Variants in TTF2 observed in about 807,000 individuals in gnomAD.
TTF2 encodes RNA polymerase II termination factor.
A neutral mutation model predicts 142.4 loss-of-function variants in TTF2; 108 were observed. That is an observed-to-expected ratio of 0.76 (90% CI 0.65 to 0.89). TTF2 has a LOEUF of 0.89. Among genes scored for constraint, TTF2 ranks in the 40% least tolerant of loss-of-function variants. The pLI is 0.00. For synonymous variants in TTF2, 483 were observed against 506.2 expected (o/e 0.95, Z 0.61); for missense variants, 1,327 against 1,379.8 (o/e 0.96, Z 0.61).
rs1486043329 is a variant in TTF2 at position 117,070,023 on chromosome 1, A to G, written c.219-3638A>G. On this transcript the variant is annotated intron_variant, in intron 3 of 22. Coordinates refer to ENST00000369466, the MANE Select transcript of TTF2 (RefSeq NM_003594.4). The surrounding 1 kb of genome is among the most constrained non-coding windows in gnomAD (Gnocchi z 4.2). The stretch of plus-strand genomic sequence containing the variant: ...ACTGCATTCTTTGTTGATTTACAAT[A>G]TAATAAAACGTAACAAACAAACTTA... 2.0e-5 allele frequency among the ~76,000 whole-genome samples: 3 copies of G among 152,254 alleles called. No individual in the cohort carries two copies. The highest frequency in any genetic ancestry group is 7.2e-5 in the African/African-American group (3 of 41,466).
chr1:117,089,223 A>G (rs1028451835), intron 13 of TTF2, among the ~76,000 whole-genome samples: 6 of 149,244 alleles, frequency 4.0e-5, no homozygotes, highest in Middle Eastern at 3.5e-3. Flanking sequence ...AGGACTTTAT[A>G]TATGCAAAAT....
Position 117,090,104 on chromosome 1 carries a change from G to A in TTF2, c.2392G>A (p.Val798Ile). Reference protein sequence around the residue: ...FDEFNLWRSQVDNGSKKGGER... With the variant: ...FDEFNLWRSQIDNGSKKGGER... ...TGAGTTCAATCTGTGGAGGAGTCAG[G>A]TTGACAATGGCTCAAAGAAAGGAGG... Residue 798 changes from valine to isoleucine, a missense_variant, in exon 14 of 23, where the codon GTT becomes ATT. Coordinates refer to ENST00000369466, the MANE Select transcript of TTF2 (RefSeq NM_003594.4). The surrounding 1 kb of genome is among the most constrained non-coding windows in gnomAD (Gnocchi z 4.8). The A allele has an allele frequency of 6.2e-7, 1 of 1,614,148 alleles. No homozygotes were observed. Among genetic ancestry groups the A allele is most frequent in the Non-Finnish European group, 8.5e-7 (1 of 1,179,990 alleles).
Position 117,093,758 on chromosome 1 carries a change from G to C in TTF2, c.2976+857G>C, listed in dbSNP as rs896700396. The stretch of plus-strand genomic sequence containing the variant: ...TAGTGCCTTCAGAGTGAGCTATTGG[G>C]CTAAAATTTAAATTCCTAATCATTT... On this transcript the variant is annotated intron_variant, in intron 18 of 22. Coordinates refer to ENST00000369466, the MANE Select transcript of TTF2 (RefSeq NM_003594.4). The surrounding 1 kb of genome is among the most constrained non-coding windows in gnomAD (Gnocchi z 4.5). 1.3e-5 allele frequency among the ~76,000 whole-genome samples: 2 copies of C among 152,126 alleles called. No individual in the cohort carries two copies. The highest frequency in any genetic ancestry group is 4.8e-5 in the African/African-American group (2 of 41,424).
In TTF2 at chr1:117,101,512, T is replaced by G; in HGVS notation, c.3477T>G (p.Leu1159=). Residue 1159 remains leucine, a synonymous_variant, in exon 23 of 23, where the codon CTT becomes CTG. Transcript: ENST00000369466. The surrounding 1 kb of genome is among the most constrained non-coding windows in gnomAD (Gnocchi z 5.9). Reference sequence around the variant, plus strand: ...TCACCTTGGCTGACCTCAGAGTCCTTTTTGGCATCTAACCTCCTGTGGATA... The same window carrying G: ...TCACCTTGGCTGACCTCAGAGTCCTGTTTGGCATCTAACCTCCTGTGGATA... The part of the protein sequence containing the change: ...TKLTLADLRV[L]FGI 6.3e-7 allele frequency: 1 copy of G among 1,590,810 alleles called. No individual in the cohort carries two copies. The highest frequency in any genetic ancestry group is 8.5e-7 in the Non-Finnish European group (1 of 1,174,134).
chr1:117,090,335 G>T lies in TTF2; in HGVS notation c.2496+127G>T. The T allele has an allele frequency of 2.9e-6, 4 of 1,368,310 alleles. No individual in the cohort carries two copies. Among genetic ancestry groups the T allele is most frequent in the Non-Finnish European group, 4.0e-6 (4 of 999,364 alleles). The allele number at this position is 1,368,310 out of a possible 1,614,324, so 84.8% of individuals were successfully genotyped here. A position where few individuals can be genotyped will look rare whatever the true frequency, so the allele number is the denominator to read the frequency against. On this transcript the variant is annotated intron_variant, in intron 14 of 22. Transcript: ENST00000369466. The surrounding 1 kb of genome is among the most constrained non-coding windows in gnomAD (Gnocchi z 4.8). The stretch of plus-strand genomic sequence containing the variant: ...GAGTTTCCCATCCTCCTGTGAGGAG[G>T]CCCCAGGGTTGCAGTTCCATGCCTA...
chr1:117,086,398 CTTTG>C lies in TTF2; in HGVS notation c.2055-16_2055-13del. Reference sequence around the variant, plus strand: ...CTATAGTGGGACCATTTATTGATTTCTTTGTTATGTCTACGCAGCCTCTCTACAT... The same window carrying C: ...CTATAGTGGGACCATTTATTGATTTCTTATGTCTACGCAGCCTCTCTACAT... On this transcript the variant is annotated splice_polypyrimidine_tract_variant and intron_variant, in intron 11 of 22. Coordinates refer to ENST00000369466, the MANE Select transcript of TTF2 (RefSeq NM_003594.4). This position sits in a 1 kb window ranked among gnomAD's most constrained non-coding sequence, Gnocchi z 4.2. 6.3e-7 allele frequency: 1 copy of C among 1,583,416 alleles called. No individual in the cohort carries two copies.
At chr1:117,084,432 A>C (rs1647831632) in intron 11 of TTF2, among the ~76,000 whole-genome samples, 1 of 152,252 alleles carries the variant, frequency 6.6e-6, no homozygotes, top group Non-Finnish European at 1.5e-5. Flanking sequence ...TTCAGGTGAC[A>C]GCAGCATTCC....
At chr1:117,084,427 GTGA>G in intron 11 of TTF2, among the ~76,000 whole-genome samples, 1 of 152,350 alleles carries the variant, frequency 6.6e-6, no homozygotes, top group Non-Finnish European at 1.5e-5. Flanking sequence ...TGCCATTCAG[GTGA>G]CAGCAGCATT....
rs748950750 is a variant in TTF2 at position 117,092,929 on chromosome 1, G to A, written c.2976+28G>A. 1.1e-5 allele frequency: 17 copies of A among 1,611,118 alleles called. No individual in the cohort carries two copies. The highest frequency in any genetic ancestry group is 1.7e-4 in the Middle Eastern group (1 of 6,048). On this transcript the variant is annotated intron_variant, in intron 18 of 22. Transcript: ENST00000369466. The surrounding 1 kb of genome is among the most constrained non-coding windows in gnomAD (Gnocchi z 4.4). ...ACTTTTTGTCTCCTCTGTAGTAGTC[G>A]AGAGACTTCGATTCCTCACACATTT...
chr1:117,097,320 T>C lies in TTF2; in HGVS notation c.3187-31T>C. 6.2e-7 allele frequency: 1 copy of C among 1,607,372 alleles called. No individual in the cohort carries two copies. Among genetic ancestry groups the C allele is most frequent in the Non-Finnish European group, 8.5e-7 (1 of 1,173,826 alleles). On this transcript the variant is annotated intron_variant, in intron 20 of 22. Coordinates refer to ENST00000369466, the MANE Select transcript of TTF2 (RefSeq NM_003594.4). This position sits in a 1 kb window ranked among gnomAD's most constrained non-coding sequence, Gnocchi z 4.1. ...GAGATGTGTTACGAGACCAAGTCTG[T>C]TTAAAGTTAATGTTGTGTTTCCTTT...
chr1:117,090,698 C>A lies in TTF2; in HGVS notation c.2588+75C>A. The A allele has an allele frequency of 3.3e-6, 4 of 1,210,100 alleles. No homozygotes were observed. Among genetic ancestry groups the A allele is most frequent in the Non-Finnish European group, 4.8e-6 (4 of 839,426 alleles). The allele number at this position is 1,210,100 out of a possible 1,614,324, so 75.0% of individuals were successfully genotyped here. A position where few individuals can be genotyped will look rare whatever the true frequency, so the allele number is the denominator to read the frequency against. Reference sequence around the variant, plus strand: ...CTTTTCTTGGGAGTGAGTTGAAGGTCAAATTTCCACAAACTTTATGGCATT... The same window carrying A: ...CTTTTCTTGGGAGTGAGTTGAAGGTAAAATTTCCACAAACTTTATGGCATT... On this transcript the variant is annotated intron_variant, in intron 15 of 22. Coordinates refer to ENST00000369466, the MANE Select transcript of TTF2 (RefSeq NM_003594.4). This position sits in a 1 kb window ranked among gnomAD's most constrained non-coding sequence, Gnocchi z 4.8.
chr1:117,074,066 C>G (rs1458987943), intron 4 of TTF2, among the ~76,000 whole-genome samples: 1 of 152,096 alleles, frequency 6.6e-6, no homozygotes, highest in Non-Finnish European at 1.5e-5. Context: ...CTGGTATAAG[C>G]TAAGTATAAG....
intron 3 of TTF2, among the ~76,000 whole-genome samples, chr1:117,068,270 C>T (rs773603978): frequency 1.3e-5 from 2 of 152,136 alleles, no homozygotes; most frequent in Non-Finnish European, 2.9e-5. Flanking sequence ...GTTGTGGTAT[C>T]CTTCTGAGCA....
intron 3 of TTF2, among the ~76,000 whole-genome samples, chr1:117,066,956 G>T (rs954657175): frequency 6.6e-6 from 1 of 152,102 alleles, no homozygotes; most frequent in African/African-American, 2.4e-5. Flanking sequence ...GCCTGCCTCA[G>T]CCTCCCAGAG....
In TTF2 at chr1:117,076,888, C is replaced by G. The variant is rs564179429; in HGVS notation, c.1573+65C>G. ...CCTGTGAGTTACGTGCCACCCGGTA[C>G]AGTAGTCACCTCTTATCCACACTTT... On this transcript the variant is annotated intron_variant, in intron 7 of 22. Coordinates refer to ENST00000369466, the MANE Select transcript of TTF2 (RefSeq NM_003594.4). This position sits in a 1 kb window ranked among gnomAD's most constrained non-coding sequence, Gnocchi z 4.6. 6.9e-7 allele frequency: 1 copy of G among 1,440,384 alleles called. No homozygotes were observed. Among genetic ancestry groups the G allele is most frequent in the African/African-American group, 1.4e-5 (1 of 70,950 alleles). 89.2% of individuals were successfully genotyped at this position (1,440,384 alleles called of 1,614,324 possible).
At position 117,079,856 on chromosome 1, in the gene TTF2, CAGT is replaced by C. The variant is rs1647336462; in HGVS notation, c.1783+210_1783+212del. On this transcript the variant is annotated intron_variant, in intron 9 of 22. Coordinates refer to ENST00000369466, the MANE Select transcript of TTF2 (RefSeq NM_003594.4). This position sits in a 1 kb window ranked among gnomAD's most constrained non-coding sequence, Gnocchi z 4.2. Reference sequence around the variant, plus strand: ...TAGGATCAAAGATGTTGGTTGCCAGCAGTAGAAGCTGACTCTGGCTGATTAAAG... The same window carrying C: ...TAGGATCAAAGATGTTGGTTGCCAGCAGAAGCTGACTCTGGCTGATTAAAG... 6.6e-6 allele frequency among the ~76,000 whole-genome samples: 1 copy of C among 152,180 alleles called. No homozygotes were observed. The highest frequency in any genetic ancestry group is 1.5e-5 in the Non-Finnish European group (1 of 68,038).
At position 117,079,450 on chromosome 1, in the gene TTF2, A is replaced by T; in HGVS notation, c.1702-118A>T. On this transcript the variant is annotated intron_variant, in intron 8 of 22. Coordinates refer to ENST00000369466, the MANE Select transcript of TTF2 (RefSeq NM_003594.4). This position sits in a 1 kb window ranked among gnomAD's most constrained non-coding sequence, Gnocchi z 4.2. ...GACTTCAAGGTGAAATGAACTGTCT[A>T]CAGAATACTGAGGGAATCATTTGTA... 1.1e-6 allele frequency: 1 copy of T among 935,876 alleles called. No individual in the cohort carries two copies. Among genetic ancestry groups the T allele is most frequent in the Non-Finnish European group, 1.7e-6 (1 of 594,806 alleles). The allele number at this position is 935,876 out of a possible 1,614,324, so 58.0% of individuals were successfully genotyped here.
Position 117,090,598 on chromosome 1 carries a change from T to C in TTF2, c.2563T>C (p.Tyr855His). 1.2e-6 allele frequency: 2 copies of C among 1,614,156 alleles called. No homozygotes were observed. Among genetic ancestry groups the C allele is most frequent in the Non-Finnish European group, 8.5e-7 (1 of 1,179,996 alleles). ...LKLSEDEETV[Y>H]NVFFARSRSA... ...GCTTTCTGAAGATGAAGAGACTGTT[T>C]ACAATGTGTTTTTTGCAAGATCAAG... The change falls in exon 15 of 23, where the codon TAC becomes CAC. Residue 855 changes from tyrosine to histidine, a missense_variant. Tyr to His is a moderately conservative substitution (Grantham distance 83). Transcript: ENST00000369466. The surrounding 1 kb of genome is among the most constrained non-coding windows in gnomAD (Gnocchi z 4.8).
rs760842953 is a variant in TTF2, at chr1:117,070,250, G to T, written c.219-3411G>T. The stretch of plus-strand genomic sequence containing the variant: ...CAGTCATGAGTCATTTAACAATGGG[G>T]GCATATTCTGAGAAATGCGTCATTA... On this transcript the variant is annotated intron_variant, in intron 3 of 22. Transcript: ENST00000369466. The surrounding 1 kb of genome is among the most constrained non-coding windows in gnomAD (Gnocchi z 4.2). 6.6e-6 allele frequency among the ~76,000 whole-genome samples: 1 copy of T among 152,100 alleles called. No homozygotes were observed. The highest frequency in any genetic ancestry group is 2.1e-4 in the South Asian group (1 of 4,832).
Sources: allele counts gnomAD v4.1 joint callset (sites outside exome capture counted in the v4.1 genomes callset), GRCh38; gene constraint gnomAD v4.1.1; non-coding constraint Gnocchi (gnomAD v3.1); transcripts MANE v1.5; gene names NCBI Gene and HGNC (gene_info 2026-07-23, HGNC 2026-07-21).